Variants in ITGA6 observed in about 807,000 individuals in gnomAD.
ITGA6 encodes integrin alpha-6.
ITGA6 carries 63 observed loss-of-function variants against 133.6 expected under a neutral mutation model. The ratio of observed to expected loss-of-function variants is 0.47; its 90% confidence interval spans 0.38 to 0.58. The LOEUF (loss-of-function observed/expected upper bound fraction) is 0.58, where lower values mean the gene tolerates loss of function less well. Ranked by LOEUF, ITGA6 falls within the 20% of genes least tolerant of loss-of-function variation. ITGA6 has a pLI of 0.00. For missense variants in ITGA6, 1,068 were observed against 1,309.4 expected, an observed-to-expected ratio of 0.82 and a Z score of 2.85; for synonymous variants, 434 against 482.0, an observed-to-expected ratio of 0.90 and a Z score of 1.30.
chr2:172,454,746 A>T (rs1296869637), intron 1 of ITGA6, among the ~76,000 whole-genome samples: 1 of 152,186 alleles, frequency 6.6e-6, no homozygotes, highest in African/African-American at 2.4e-5. Flanking sequence ...TTATCAACTG[A>T]TGTTAAAATC....
chr2:172,475,830 G>A, intron 8 of ITGA6, 145 bp downstream of exon 8: 1 of 637,526 alleles, frequency 1.6e-6, no homozygotes. Flanking sequence ...TGTATTACTA[G>A]AAGATACCTT....
chr2:172,459,713 A>G (rs1026558438), intron 1 of ITGA6, among the ~76,000 whole-genome samples: 1 of 152,208 alleles, frequency 6.6e-6, no homozygotes, highest in East Asian at 1.9e-4. Flanking sequence ...GTCATATGCT[A>G]TTAGGACAGT....
chr2:172,454,318 G>A (rs1385315108), intron 1 of ITGA6, among the ~76,000 whole-genome samples: 4 of 151,946 alleles, frequency 2.6e-5, no homozygotes, highest in Admixed American at 6.6e-5. Context: ...TCCTGACCTC[G>A]TGATCCACCT....
intron 1 of ITGA6, among the ~76,000 whole-genome samples, chr2:172,460,005 A>C (rs1039061493): frequency 1.3e-5 from 2 of 152,242 alleles, no homozygotes; most frequent in African/African-American, 4.8e-5. Context: ...AGAAAAGCCA[A>C]GGAAAGCAAG....
intron 1 of ITGA6, among the ~76,000 whole-genome samples, chr2:172,447,059 G>A (rs1202396276): frequency 1.3e-5 from 2 of 151,846 alleles, no homozygotes; most frequent in African/African-American, 4.8e-5. Context: ...CACCGTGCCC[G>A]GCTAATTTTT....
intron 1 of ITGA6, among the ~76,000 whole-genome samples, chr2:172,450,951 A>G (rs928490272): frequency 2.0e-5 from 3 of 147,278 alleles, no homozygotes; most frequent in East Asian, 2.0e-4. Flanking sequence ...AAATATATTT[A>G]TCTTGTATAT....
intron 9 of ITGA6, among the ~76,000 whole-genome samples, chr2:172,478,514 C>T (rs752729810): frequency 2.6e-5 from 4 of 152,168 alleles, no homozygotes; most frequent in Non-Finnish European, 4.4e-5. Context: ...CTCAACCCAC[C>T]GCATACCTGC....
chr2:172,458,770 C>T (rs930693852), intron 1 of ITGA6, among the ~76,000 whole-genome samples: 5 of 152,094 alleles, frequency 3.3e-5, no homozygotes, highest in African/African-American at 1.2e-4. Flanking sequence ...AGAAAAACTA[C>T]AAGAAACAGA....
chr2:172,476,358 TAACC>T (rs772297886), intron 8 of ITGA6, 33 bp from the exon 9 acceptor site: 9 of 1,070,862 alleles, frequency 8.4e-6, no homozygotes, highest in Admixed American at 5.1e-5. Flanking sequence ...CTCATGGTGA[TAACC>T]TAATGTCCAT....
At chr2:172,443,014 A>G (rs1684606189) in intron 1 of ITGA6, among the ~76,000 whole-genome samples, 1 of 152,184 alleles carries the variant, frequency 6.6e-6, no homozygotes. Flanking sequence ...ACATGGTACA[A>G]ATATTAAAAC....
chr2:172,492,903 AT>A (rs1235376317), intron 23 of ITGA6, among the ~76,000 whole-genome samples: 1 of 152,080 alleles, frequency 6.6e-6, no homozygotes, highest in Admixed American at 6.6e-5. Context: ...GCAAGAATAC[AT>A]TTTTGTTTTT....
rs767433955 is a variant in ITGA6 at position 172,489,664 on chromosome 2, T to TCGGTAGATTTATCTAAC, written c.2679+22_2679+23insCCGGTAGATTTATCTAA. The TCGGTAGATTTATCTAAC allele has an allele frequency of 6.2e-7, 1 of 1,610,264 alleles. No individual in the cohort carries two copies. The stretch of plus-strand genomic sequence containing the variant: ...TAAACTCCCTGAACCTAACGGTATG[T>TCGGTAGATTTATCTAAC]CGGTAGATTTATCTAATGTCTCCAT... On this transcript the variant is annotated splice_region_variant and intron_variant, in intron 20 of 25. Coordinates refer to ENST00000684293, the MANE Select transcript of ITGA6 (RefSeq NM_000210.4).
intron 1 of ITGA6, among the ~76,000 whole-genome samples, chr2:172,459,092 G>T (rs1461016732): frequency 6.6e-6 from 1 of 151,750 alleles, no homozygotes; most frequent in Non-Finnish European, 1.5e-5. Flanking sequence ...ACATACAAAT[G>T]AAACGATCCA....
intron 13 of ITGA6, 92 bp downstream of exon 13, chr2:172,485,356 GCTTTA>G: frequency 9.1e-7 from 1 of 1,099,158 alleles, no homozygotes. Flanking sequence ...CTAGTGATTT[GCTTTA>G]AAGGCCATTC....
intron 1 of ITGA6, among the ~76,000 whole-genome samples, chr2:172,456,331 T>C (rs570578125): frequency 6.6e-6 from 1 of 152,334 alleles, no homozygotes. Flanking sequence ...CCTGTGCCTG[T>C]GAAACCATAC....
At chr2:172,481,048 G>C (rs1451969881) in intron 11 of ITGA6, 1 of 152,158 alleles carries the variant, frequency 6.6e-6, no homozygotes, top group South Asian at 2.1e-4. Context: ...AAAAGAATGA[G>C]GAAATTCTCA....
Position 172,474,104 on chromosome 2 carries a change from T to G in ITGA6, c.825T>G (p.Thr275=). The G allele has an allele frequency of 6.2e-7, 1 of 1,613,980 alleles. No homozygotes were observed. Among genetic ancestry groups the G allele is most frequent in the Middle Eastern group, 1.7e-4 (1 of 5,868 alleles). ...GKGIVSKDEI[T]FVSGAPRANH... The stretch of plus-strand genomic sequence containing the variant: ...GTATTGTTTCTAAAGATGAGATCAC[T>G]TTTGTATCTGGTGCTCCCAGAGCCA... The change falls in exon 6 of 26, where the codon ACT becomes ACG. Residue 275 remains threonine (T), a synonymous_variant. Coordinates refer to ENST00000684293, the MANE Select transcript of ITGA6 (RefSeq NM_000210.4).
chr2:172,440,912 T>C (rs1384034350), intron 1 of ITGA6, among the ~76,000 whole-genome samples: 2 of 152,250 alleles, frequency 1.3e-5, no homozygotes, highest in African/African-American at 4.8e-5. Context: ...TGATTGAAGC[T>C]GAGGCTTGAT....
intron 1 of ITGA6, among the ~76,000 whole-genome samples, chr2:172,445,650 T>G: frequency 7.7e-6 from 1 of 129,374 alleles, no homozygotes; most frequent in African/African-American, 2.6e-5. Flanking sequence ...CTCCGTCTTT[T>G]TTAAAAAAAA....
Sources: gnomAD v4.1 joint callset for allele counts (sites outside exome capture counted in the v4.1 genomes callset) on GRCh38, gnomAD v4.1.1 for gene constraint, MANE v1.5 for transcripts, NCBI Gene and HGNC (gene_info 2026-07-23, HGNC 2026-07-21) for gene names.